KIRREL3: variants seen among roughly 807,000 people sequenced by gnomAD.
The protein encoded by KIRREL3 is kirre like nephrin family adhesion molecule 3, also known as kin of IRRE-like protein 3.
In KIRREL3, 36 loss-of-function variants were observed where a neutral mutation model predicts 89.7. The observed-to-expected ratio is 0.40, with a 90% CI of 0.31 to 0.53. The LOEUF (loss-of-function observed/expected upper bound fraction) is 0.53. Ranked by LOEUF, KIRREL3 falls within the 20% of genes least tolerant of loss-of-function variation. KIRREL3 has a pLI of 0.49. For synonymous variants in KIRREL3, 445 were observed against 441.4 expected, an observed-to-expected ratio of 1.01 and a Z score of -0.10; for missense variants, 864 against 1,056.6, an observed-to-expected ratio of 0.82 and a Z score of 2.53.
In KIRREL3 at chr11:126,677,438, C is replaced by T. The variant is rs569513844; in HGVS notation, c.56-114526G>A. Among the ~76,000 whole-genome samples the T allele has an allele frequency of 6.6e-6, 1 of 152,324 alleles. No homozygotes were observed. The highest frequency in any genetic ancestry group is 2.1e-4 in the South Asian group (1 of 4,826). On this transcript the variant is annotated intron_variant, in intron 1 of 16. Coordinates refer to ENST00000525144, the MANE Select transcript of KIRREL3 (RefSeq NM_032531.4). This position sits in a 1 kb window ranked among gnomAD's most constrained non-coding sequence, Gnocchi z 5.1. Reference sequence around the variant, plus strand: ...ATGTTGGCATAGTCTGGGTGCTTTGCTATCTATTATCTCCTCTAATTCTCA... The same window carrying T: ...ATGTTGGCATAGTCTGGGTGCTTTGTTATCTATTATCTCCTCTAATTCTCA...
intron 1 of KIRREL3, among the ~76,000 whole-genome samples, chr11:126,889,508 AAGG>A (rs767909496): frequency 2.0e-5 from 3 of 152,152 alleles, no homozygotes; most frequent in Admixed American, 6.6e-5. Flanking sequence ...TGGAAAAAAA[AAGG>A]AGAAGAAAAA....
intron 1 of KIRREL3, among the ~76,000 whole-genome samples, chr11:126,681,291 G>A (rs1946442107): frequency 6.6e-6 from 1 of 152,152 alleles, no homozygotes; most frequent in South Asian, 2.1e-4. Context: ...CATACCTCCA[G>A]GTTAGCCTTA....
At chr11:126,868,761 C>A (rs1237101335) in intron 1 of KIRREL3, among the ~76,000 whole-genome samples, 1 of 152,086 alleles carries the variant, frequency 6.6e-6, no homozygotes, top group Admixed American at 6.6e-5. Flanking sequence ...TAACCGAATA[C>A]CATACACTGA....
At chr11:126,859,941 C>T (rs1473141913) in intron 1 of KIRREL3, among the ~76,000 whole-genome samples, 1 of 152,188 alleles carries the variant, frequency 6.6e-6, no homozygotes, top group Non-Finnish European at 1.5e-5. Flanking sequence ...AGTTGAAAAC[C>T]AATCTTTTCT....
At chr11:126,847,100 T>C (rs1288510650) in intron 1 of KIRREL3, among the ~76,000 whole-genome samples, 1 of 152,198 alleles carries the variant, frequency 6.6e-6, no homozygotes, top group Non-Finnish European at 1.5e-5. Flanking sequence ...TAAGCTTTTA[T>C]TAAGAATAGG....
intron 13 of KIRREL3, among the ~76,000 whole-genome samples, chr11:126,434,283 A>T (rs1038097078): frequency 6.6e-6 from 1 of 152,142 alleles, no homozygotes; most frequent in Non-Finnish European, 1.5e-5. Context: ...CGAGGGGGGA[A>T]GGTGTTGGGG....
At chr11:126,851,306 A>G (rs1015233928) in intron 1 of KIRREL3, among the ~76,000 whole-genome samples, 1 of 152,356 alleles carries the variant, frequency 6.6e-6, no homozygotes, top group African/African-American at 2.4e-5. Context: ...ACCAGAGGTC[A>G]GAGCATCACT....
chr11:126,591,606 G>A (rs1942135752), intron 1 of KIRREL3, among the ~76,000 whole-genome samples: 1 of 152,178 alleles, frequency 6.6e-6, no homozygotes, highest in Non-Finnish European at 1.5e-5. Context: ...CAGCTCTGGG[G>A]GCCCCATCAG....
rs1410253631 is a variant in KIRREL3 at position 126,900,978 on chromosome 11, A to G, written c.55+99477T>C. Among the ~76,000 whole-genome samples the G allele has an allele frequency of 6.6e-6, 1 of 152,124 alleles. No homozygotes were observed. Among genetic ancestry groups the G allele is most frequent in the Non-Finnish European group, 1.5e-5 (1 of 68,036 alleles). On this transcript the variant is annotated intron_variant, in intron 1 of 16. Transcript: ENST00000525144. The surrounding 1 kb of genome is among the most constrained non-coding windows in gnomAD (Gnocchi z 4.4). ...CTCAAGTTATAAATCAATGACAAAG[A>G]CCAACAGTAAGTGGATCACGAGGTC...
At chr11:126,547,536 G>A (rs901271459) in intron 2 of KIRREL3, among the ~76,000 whole-genome samples, 2 of 152,220 alleles carry the variant, frequency 1.3e-5, no homozygotes, top group African/African-American at 2.4e-5. Flanking sequence ...GGGTAAGGAC[G>A]GGGTAGGGGA....
intron 1 of KIRREL3, among the ~76,000 whole-genome samples, chr11:126,863,420 C>CGTGTGTGAGTGTGTGTGTGTGAGT (rs1944780089): frequency 3.7e-5 from 5 of 135,966 alleles, no homozygotes; most frequent in African/African-American, 8.3e-5. Context: ...CGTGTGTGAG[C>CGTGTGTGAGTGTGTGTGTGTGAGT]GCATGTGTGT....
In KIRREL3 at chr11:126,579,136, C is replaced by T. The variant is rs763564238; in HGVS notation, c.56-16224G>A. Among the ~76,000 whole-genome samples, 1 of 152,084 alleles carries T rather than the reference C, an allele frequency of 6.6e-6. No individual in the cohort carries two copies. The highest frequency in any genetic ancestry group is 1.5e-5 in the Non-Finnish European group (1 of 68,024). On this transcript the variant is annotated intron_variant, in intron 1 of 16. Coordinates refer to ENST00000525144, the MANE Select transcript of KIRREL3 (RefSeq NM_032531.4). The surrounding 1 kb of genome is among the most constrained non-coding windows in gnomAD (Gnocchi z 5.3). ...CACCAATGTCTCGGAGAGGTCCTCC[C>T]TTCCTGCCAGCCATTGATGATCCTG...
At chr11:126,546,472 G>A (rs969447018) in intron 2 of KIRREL3, among the ~76,000 whole-genome samples, 1 of 152,186 alleles carries the variant, frequency 6.6e-6, no homozygotes, top group Non-Finnish European at 1.5e-5. Context: ...TTGGAGACCA[G>A]GCACAGAGCC....
chr11:126,457,359 C>CTG (rs72429732), intron 6 of KIRREL3, among the ~76,000 whole-genome samples: 41,633 of 126,870 alleles, frequency 0.33, 6,169 homozygotes, highest in Admixed American at 0.37. Context: ...ATGTATGTCT[C>CTG]TGTGTGTATG....
At chr11:126,679,881 CAG>C (rs1479128509) in intron 1 of KIRREL3, among the ~76,000 whole-genome samples, 2 of 152,088 alleles carry the variant, frequency 1.3e-5, no homozygotes, top group Non-Finnish European at 2.9e-5. Context: ...GAAAAGGTCC[CAG>C]AGAGAGAATT....
chr11:126,834,979 TC>T (rs1565338100), intron 1 of KIRREL3, among the ~76,000 whole-genome samples: 1 of 152,218 alleles, frequency 6.6e-6, no homozygotes, highest in African/African-American at 2.4e-5. Context: ...CCCAGGTGCC[TC>T]CAGTTGTGTG....
chr11:126,631,961 T>TC (rs1944045047), intron 1 of KIRREL3, among the ~76,000 whole-genome samples: 1 of 152,200 alleles, frequency 6.6e-6, no homozygotes, highest in African/African-American at 2.4e-5. Context: ...GATGGCTTCC[T>TC]AGACTCTCAG....
rs77597610 is a variant in KIRREL3 at position 126,642,080 on chromosome 11, G to A, written c.56-79168C>T. On this transcript the variant is annotated intron_variant, in intron 1 of 16. Coordinates refer to ENST00000525144, the MANE Select transcript of KIRREL3 (RefSeq NM_032531.4). This position sits in a 1 kb window ranked among gnomAD's most constrained non-coding sequence, Gnocchi z 4.9. ...CCAGATCCCAGTGAGCGACTGCTGG[G>A]CTGTTCACAGAGAGCCAGAGGCCCC... 1.1e-3 allele frequency among the ~76,000 whole-genome samples: 175 copies of A among 152,336 alleles called. No individual in the cohort carries two copies. Among genetic ancestry groups the A allele is most frequent in the African/African-American group, 4.1e-3 (171 of 41,574 alleles).
At chr11:126,581,852 G>T (rs115598201) in intron 1 of KIRREL3, among the ~76,000 whole-genome samples, 1 of 152,238 alleles carries the variant, frequency 6.6e-6, no homozygotes, top group African/African-American at 2.4e-5. Context: ...GACGTGGCAC[G>T]GAAGGGAATG....
Sources: allele counts gnomAD v4.1 joint callset (sites outside exome capture counted in the v4.1 genomes callset), GRCh38; gene constraint gnomAD v4.1.1; non-coding constraint Gnocchi (gnomAD v3.1); transcripts MANE v1.5; gene names NCBI Gene and HGNC (gene_info 2026-07-23, HGNC 2026-07-21).